MAP2: variants seen among roughly 807,000 people sequenced by gnomAD.
MAP2 encodes microtubule-associated protein 2.
Under a neutral mutation model 137.6 loss-of-function variants are expected in MAP2, and 14 were observed. The ratio of observed to expected loss-of-function variants is 0.10; its 90% CI spans 0.07 to 0.16. The LOEUF (loss-of-function observed/expected upper bound fraction) is 0.16. Ranked by LOEUF, MAP2 falls within the 10% of genes least tolerant of loss-of-function variation. The pLI, the probability that MAP2 is intolerant of heterozygous loss-of-function variation, is 1.00. For missense variants in MAP2, 2,088 were observed against 2,191.5 expected, an observed-to-expected ratio of 0.95 and a Z score of 0.94; for synonymous variants, 786 against 782.3, an observed-to-expected ratio of 1.00 and a Z score of -0.08.
At chr2:209,633,428 T>A (rs1455615921) in intron 4 of MAP2, among the ~76,000 whole-genome samples, 1 of 152,124 alleles carries the variant, frequency 6.6e-6, no homozygotes, top group Non-Finnish European at 1.5e-5. Context: ...AAGGCAAAAG[T>A]TTCACCGCTT....
chr2:209,568,245 A>T (rs1453927331), intron 2 of MAP2, among the ~76,000 whole-genome samples: 1 of 151,970 alleles, frequency 6.6e-6, no homozygotes, highest in South Asian at 2.1e-4. Flanking sequence ...CAGCCAAGAG[A>T]ATAAGTCTGG....
Position 209,693,909 on chromosome 2 carries a change from A to T in MAP2, c.1739A>T (p.Glu580Val). 7 of 1,611,152 alleles carry T rather than the reference A, an allele frequency of 4.3e-6. No homozygotes were observed. The highest frequency in any genetic ancestry group is 5.9e-6 in the Non-Finnish European group (7 of 1,179,094). ...TACTTTGAAACATCTGCCTTGAAAG[A>T]AGAAGCAACAAAAAGCATTGAGCCA... Reference protein sequence around the residue: ...SKYFETSALKEEATKSIEPGS... With the variant: ...SKYFETSALKVEATKSIEPGS... Residue 580 changes from glutamate to valine, a missense_variant, in exon 8 of 16, where the codon GAA becomes GTA. By Grantham distance (121) the Glu-to-Val change is moderately radical (BLOSUM62 -2). Coordinates refer to ENST00000682079, the MANE Select transcript of MAP2 (RefSeq NM_001375505.1).
chr2:209,658,511 C>T (rs11901955), intron 5 of MAP2, among the ~76,000 whole-genome samples: 4,971 of 151,460 alleles, frequency 0.033, 262 homozygotes, highest in African/African-American at 0.11. Context: ...ATTATTATTA[C>T]TATTTTTTTT....
intron 3 of MAP2, among the ~76,000 whole-genome samples, chr2:209,584,514 T>C (rs2153413454): frequency 6.6e-6 from 1 of 152,270 alleles, no homozygotes; most frequent in African/African-American, 2.4e-5. Context: ...CATTGGGAGA[T>C]GGCTTTGAAT....
chr2:209,489,081 C>T (rs547814213), intron 1 of MAP2, among the ~76,000 whole-genome samples: 2 of 152,328 alleles, frequency 1.3e-5, no homozygotes, highest in South Asian at 4.1e-4. Context: ...GACAAAGCTT[C>T]CAGAGAAAGG....
chr2:209,521,490 C>A (rs1204940512), intron 2 of MAP2, among the ~76,000 whole-genome samples: 2 of 150,334 alleles, frequency 1.3e-5, no homozygotes, highest in African/African-American at 4.9e-5. Context: ...TGGATTGTAA[C>A]CCTTTTCTCT....
chr2:209,457,474 GTT>G (rs1180144479), intron 1 of MAP2, among the ~76,000 whole-genome samples: 1 of 152,176 alleles, frequency 6.6e-6, no homozygotes, highest in Non-Finnish European at 1.5e-5. Flanking sequence ...GCCTAAGGAA[GTT>G]TATTCAGTTT....
chr2:209,694,947 AAGATGAGTT>A lies in MAP2; in HGVS notation c.2778_2786del (p.Lys926_Phe929delinsAsn). The A allele has an allele frequency of 6.2e-7, 1 of 1,614,218 alleles. No individual in the cohort carries two copies. The highest frequency in any genetic ancestry group is 8.5e-7 in the Non-Finnish European group (1 of 1,180,034). ...AAACTGGCAGCAGCCGGAAGAGTCA[AAGATGAGTT>A]CAGTGTTGACAAAGAAGCATCCGCG... On this transcript the variant is annotated inframe_deletion, in exon 8 of 16. Transcript: ENST00000682079.
At chr2:209,670,222 T>G (rs2048211211) in intron 5 of MAP2, among the ~76,000 whole-genome samples, 1 of 152,000 alleles carries the variant, frequency 6.6e-6, no homozygotes, top group African/African-American at 2.4e-5. Flanking sequence ...CCTTAGTTAA[T>G]TAGTAAATAT....
chr2:209,688,168 T>C (rs2057696180), intron 7 of MAP2, among the ~76,000 whole-genome samples: 1 of 152,100 alleles, frequency 6.6e-6, no homozygotes, highest in East Asian at 1.9e-4. Context: ...TGTGAGCACT[T>C]CCTTTTTCTG....
chr2:209,506,513 C>G (rs1002596496), intron 1 of MAP2, among the ~76,000 whole-genome samples: 29 of 152,126 alleles, frequency 1.9e-4, no homozygotes, highest in African/African-American at 6.8e-4. Context: ...TAGAGACTGC[C>G]ATAGATGCTC....
intron 3 of MAP2, among the ~76,000 whole-genome samples, chr2:209,584,283 G>A (rs930975027): frequency 2.0e-5 from 3 of 152,016 alleles, no homozygotes; most frequent in Non-Finnish European, 2.9e-5. Flanking sequence ...AGTATTCAAG[G>A]GGGAGACAAC....
chr2:209,427,872 A>C (rs1179552164), intron 1 of MAP2, among the ~76,000 whole-genome samples: 2 of 152,170 alleles, frequency 1.3e-5, no homozygotes, highest in Admixed American at 1.3e-4. Flanking sequence ...GAAGATGTGG[A>C]ATGAAAGCAA....
chr2:209,692,731 G>C lies in MAP2; in HGVS notation c.561G>C (p.Lys187Asn). 1 of 1,614,060 alleles carries C rather than the reference G, an allele frequency of 6.2e-7. No individual in the cohort carries two copies. The highest frequency in any genetic ancestry group is 8.5e-7 in the Non-Finnish European group (1 of 1,179,964). ...QKEKESEKQSKPGEDLKHAAL... is the reference protein window; with the variant it reads ...QKEKESEKQSNPGEDLKHAAL... ...AAAAGGAGTCAGAGAAGCAAAGTAA[G>C]CCTGGTGAAGACCTTAAACATGCTG... The change falls in exon 8 of 16, where the codon AAG becomes AAC. Residue 187 changes from lysine to asparagine, a missense_variant. Lys to Asn is a moderately conservative substitution (Grantham distance 94, BLOSUM62 0). Transcript: ENST00000682079.
intron 1 of MAP2, among the ~76,000 whole-genome samples, chr2:209,484,236 G>A (rs2058084161): frequency 6.6e-6 from 1 of 152,216 alleles, no homozygotes; most frequent in South Asian, 2.1e-4. Context: ...GAAAGGCACA[G>A]ACTGACTTTT....
chr2:209,533,605 G>A (rs1436347424), intron 2 of MAP2, among the ~76,000 whole-genome samples: 2 of 152,180 alleles, frequency 1.3e-5, no homozygotes, highest in African/African-American at 4.8e-5. Flanking sequence ...TTTGTTGTAT[G>A]AAAAATTTCT....
intron 1 of MAP2, among the ~76,000 whole-genome samples, chr2:209,467,023 C>T (rs1338365263): frequency 6.6e-6 from 1 of 152,204 alleles, no homozygotes; most frequent in Non-Finnish European, 1.5e-5. Context: ...ACCTCTTCCA[C>T]ACATTCTCCT....
chr2:209,491,466 G>A (rs1166700254), intron 1 of MAP2, among the ~76,000 whole-genome samples: 1 of 151,432 alleles, frequency 6.6e-6, no homozygotes, highest in Non-Finnish European at 1.5e-5. Flanking sequence ...ATGAAGGAGA[G>A]AGAGACATGA....
intron 3 of MAP2, among the ~76,000 whole-genome samples, chr2:209,622,868 G>A (rs995154001): frequency 1.3e-5 from 2 of 152,046 alleles, no homozygotes; most frequent in Non-Finnish European, 2.9e-5. Flanking sequence ...TCAAGCTTAT[G>A]TGAAAATGGG....
Sources: gnomAD v4.1 joint callset for allele counts (sites outside exome capture counted in the v4.1 genomes callset) on GRCh38, gnomAD v4.1.1 for gene constraint, MANE v1.5 for transcripts, NCBI Gene and HGNC (gene_info 2026-07-23, HGNC 2026-07-21) for gene names.